COL25A1: variants seen among roughly 807,000 people sequenced by gnomAD.
COL25A1 encodes the protein collagen alpha-1(XXV) chain.
In COL25A1, 103 loss-of-function variants were observed where a neutral mutation model predicts 128.4. That is an observed-to-expected ratio of 0.80 (90% CI 0.68 to 0.94). The LOEUF is 0.94. Among genes scored for constraint, COL25A1 ranks in the 40% least tolerant of loss-of-function variants. The pLI, the probability that COL25A1 is intolerant of heterozygous loss-of-function variation, is 0.00. For synonymous variants in COL25A1, 279 were observed against 277.2 expected, an observed-to-expected ratio of 1.01 and a Z score of -0.06; for missense variants, 745 against 840.0, an observed-to-expected ratio of 0.89 and a Z score of 1.40.
intron 5 of COL25A1, among the ~76,000 whole-genome samples, chr4:109,039,192 C>T (rs1759635989): frequency 6.6e-6 from 1 of 152,106 alleles, no homozygotes; most frequent in Non-Finnish European, 1.5e-5. Context: ...CATTTGTCCT[C>T]CTCCTTGTCC....
intron 5 of COL25A1, among the ~76,000 whole-genome samples, chr4:109,020,546 C>T (rs868608984): frequency 6.7e-6 from 1 of 148,900 alleles, no homozygotes; most frequent in Non-Finnish European, 1.5e-5. Context: ...AGATTCAAAA[C>T]TTGGAAGATT....
chr4:108,948,933 C>T (rs1749085849), intron 8 of COL25A1, among the ~76,000 whole-genome samples: 1 of 152,168 alleles, frequency 6.6e-6, no homozygotes, highest in Admixed American at 6.5e-5. Flanking sequence ...GGGCCAAAGG[C>T]TCTACTTGTT....
chr4:109,097,326 C>T (rs1022109390), intron 3 of COL25A1, among the ~76,000 whole-genome samples: 2 of 151,470 alleles, frequency 1.3e-5, no homozygotes, highest in Non-Finnish European at 2.9e-5. Context: ...GTTATCTGGC[C>T]GAGTATGGTG....
At chr4:108,990,592 T>G (rs1003232901) in intron 6 of COL25A1, among the ~76,000 whole-genome samples, 3 of 152,062 alleles carry the variant, frequency 2.0e-5, no homozygotes, top group Non-Finnish European at 4.4e-5. Context: ...ATTATTATAT[T>G]AAGTGTTTAT....
intron 37 of COL25A1, among the ~76,000 whole-genome samples, chr4:108,816,179 T>C (rs747686721): frequency 5.9e-5 from 9 of 152,138 alleles, no homozygotes; most frequent in African/African-American, 9.7e-5. Context: ...AAGCGGAGTA[T>C]GGGAAGCTAC....
At chr4:109,196,346 G>A (rs1776041036) in intron 3 of COL25A1, among the ~76,000 whole-genome samples, 1 of 152,058 alleles carries the variant, frequency 6.6e-6, no homozygotes, top group South Asian at 2.1e-4. Context: ...AGTTTATAGT[G>A]TATGAGAGAA....
intron 6 of COL25A1, among the ~76,000 whole-genome samples, chr4:108,989,323 A>G (rs1479948788): frequency 1.3e-5 from 2 of 152,348 alleles, no homozygotes; most frequent in Non-Finnish European, 2.9e-5. Flanking sequence ...GCTTATTGCA[A>G]GTAGTAATGT....
chr4:109,270,043 T>A (rs1302612500), intron 3 of COL25A1, among the ~76,000 whole-genome samples: 1 of 152,052 alleles, frequency 6.6e-6, no homozygotes, highest in Non-Finnish European at 1.5e-5. Context: ...AAACTCTCAA[T>A]AAATTAGGTA....
At chr4:108,892,917 CAG>C (rs559941007) in intron 16 of COL25A1, among the ~76,000 whole-genome samples, 10 of 152,050 alleles carry the variant, frequency 6.6e-5, no homozygotes, top group Non-Finnish European at 1.5e-4. Flanking sequence ...GATGAGGAGT[CAG>C]GGGGCGGAGG....
intron 6 of COL25A1, among the ~76,000 whole-genome samples, chr4:108,995,766 T>C (rs1349272581): frequency 6.6e-6 from 1 of 152,106 alleles, no homozygotes; most frequent in Non-Finnish European, 1.5e-5. Context: ...TAACAGTGGA[T>C]CTCTCGGCAG....
In COL25A1 at chr4:109,257,221, G is replaced by T. The variant is rs534090980; in HGVS notation, c.367+43362C>A. On this transcript the variant is annotated intron_variant, in intron 3 of 37. Transcript: ENST00000399132. ...TCATGTTCCCACAACTTGTCTTCAT[G>T]CTGCACTTAAGAATCCAATGTGAAG... 5.3e-4 allele frequency among the ~76,000 whole-genome samples: 81 copies of T among 152,102 alleles called. 1 individual carries two copies. Among genetic ancestry groups the T allele is most frequent in the Admixed American group, 2.6e-4 (4 of 15,276 alleles).
chr4:108,832,978 A>AATAAATAAATAAATACATAC (rs1553944801), intron 31 of COL25A1, among the ~76,000 whole-genome samples: 1 of 150,956 alleles, frequency 6.6e-6, no homozygotes, highest in Non-Finnish European at 1.5e-5. Flanking sequence ...AAAAATAATA[A>AATAAATAAATAAATACATAC]ATAAATAAAT....
chr4:108,833,370 T>C (rs1249905561), intron 31 of COL25A1, among the ~76,000 whole-genome samples: 1 of 152,138 alleles, frequency 6.6e-6, no homozygotes, highest in Non-Finnish European at 1.5e-5. Flanking sequence ...GTCCCCCTGG[T>C]TAGTTCAGGA....
chr4:108,985,647 A>G (rs572130046), intron 6 of COL25A1, among the ~76,000 whole-genome samples: 1 of 152,354 alleles, frequency 6.6e-6, no homozygotes, highest in South Asian at 2.1e-4. Flanking sequence ...GAGAGGAGTT[A>G]TCTCTGGTGA....
chr4:109,119,245 G>A (rs531447960), intron 3 of COL25A1, among the ~76,000 whole-genome samples: 5 of 152,020 alleles, frequency 3.3e-5, no homozygotes, highest in South Asian at 2.1e-4. Flanking sequence ...TTGGATGCAC[G>A]TATTAGAAAA....
intron 8 of COL25A1, among the ~76,000 whole-genome samples, chr4:108,955,710 GACAC>G (rs1241659726): frequency 6.6e-6 from 1 of 152,088 alleles, no homozygotes; most frequent in Non-Finnish European, 1.5e-5. Flanking sequence ...GTTAGATTCA[GACAC>G]AGAAGCATAA....
At position 109,301,937 on chromosome 4, in the gene COL25A1, G is replaced by A; in HGVS notation, c.83C>T (p.Ala28Val). Residue 28 changes from alanine (A) to valine (V), a missense_variant, in exon 2 of 38, where the codon GCC becomes GTC. Physicochemically the swap from Ala to Val is moderately conservative, Grantham distance 64. Coordinates refer to ENST00000399132, the MANE Select transcript of COL25A1 (RefSeq NM_198721.4). ...EDPTPAEQHC[A>V]RTMPPCAVLA... ...GACGGCACACGGGGGCATGGTCCGG[G>A]CACAATGCTGTTCGGCAGGGGTCGG... is the stretch of plus-strand genomic sequence containing the variant. 1.2e-6 allele frequency: 2 copies of A among 1,613,762 alleles called. No individual in the cohort carries two copies. Among genetic ancestry groups the A allele is most frequent in the Non-Finnish European group, 1.7e-6 (2 of 1,180,026 alleles).
At chr4:109,130,086 T>C (rs1255858708) in intron 3 of COL25A1, among the ~76,000 whole-genome samples, 1 of 151,692 alleles carries the variant, frequency 6.6e-6, no homozygotes, top group Non-Finnish European at 1.5e-5. Context: ...ACAAAGCAAT[T>C]AGTAATTTAT....
chr4:109,218,357 GTTTTTTTTTTTTT>G (rs34056401), intron 3 of COL25A1, among the ~76,000 whole-genome samples: 3 of 73,530 alleles, frequency 4.1e-5, no homozygotes, highest in Non-Finnish European at 7.0e-5. Context: ...GTTTTTTGGG[GTTTTTTTTTTTTT>G]TTTTTTTTTT....
Sources: allele counts gnomAD v4.1 joint callset (sites outside exome capture counted in the v4.1 genomes callset), GRCh38; gene constraint gnomAD v4.1.1; transcripts MANE v1.5; gene names NCBI Gene and HGNC (gene_info 2026-07-23, HGNC 2026-07-21).